The following FSHR variants were observed in gnomAD, a reference collection of about 807,000 sequenced individuals.
FSHR encodes follicle-stimulating hormone receptor.
FSHR carries 46 observed loss-of-function variants against 52.1 expected under a neutral mutation model. The observed-to-expected ratio is 0.88, with a 90% CI of 0.70 to 1.13. FSHR has a LOEUF of 1.13. Ranked by LOEUF, FSHR falls within the 50% of genes most tolerant of loss-of-function variation. The pLI is 0.00. For synonymous variants in FSHR, 399 were observed against 309.6 expected, an observed-to-expected ratio of 1.29 and a Z score of -3.03; for missense variants, 964 against 834.6, an observed-to-expected ratio of 1.16 and a Z score of -1.91.
intron 6 of FSHR, among the ~76,000 whole-genome samples, chr2:48,986,027 T>C (rs550206885): frequency 6.6e-6 from 1 of 152,292 alleles, no homozygotes; most frequent in African/African-American, 2.4e-5. Flanking sequence ...GTACACGTTT[T>C]TTACATTAGG....
chr2:49,119,812 G>A (rs1207899539), intron 1 of FSHR, among the ~76,000 whole-genome samples: 1 of 152,318 alleles, frequency 6.6e-6, no homozygotes, highest in Non-Finnish European at 1.5e-5. Flanking sequence ...AGAGCTGTGT[G>A]AGCCAGCATG....
chr2:49,013,171 C>T (rs759199452), intron 4 of FSHR, among the ~76,000 whole-genome samples: 3 of 150,594 alleles, frequency 2.0e-5, no homozygotes, highest in Non-Finnish European at 4.4e-5. Flanking sequence ...TATTTGAGGA[C>T]ACAGGGAGAA....
intron 1 of FSHR, among the ~76,000 whole-genome samples, chr2:49,126,260 C>T (rs944331505): frequency 5.9e-5 from 9 of 151,638 alleles, no homozygotes; most frequent in African/African-American, 1.9e-4. Flanking sequence ...CTTTGTGCTT[C>T]CTTATCCCAT....
chr2:49,131,304 C>T (rs928925123), intron 1 of FSHR, among the ~76,000 whole-genome samples: 5 of 152,168 alleles, frequency 3.3e-5, no homozygotes, highest in East Asian at 1.9e-4. Flanking sequence ...CTAATTGGAG[C>T]CTATTTGCTT....
chr2:49,130,861 C>G (rs1336659901), intron 1 of FSHR, among the ~76,000 whole-genome samples: 1 of 152,118 alleles, frequency 6.6e-6, no homozygotes, highest in Admixed American at 6.6e-5. Context: ...AGACAAGCTA[C>G]TCAACTTAGG....
At chr2:49,039,075 T>C (rs1479056954) in intron 2 of FSHR, among the ~76,000 whole-genome samples, 1 of 152,182 alleles carries the variant, frequency 6.6e-6, no homozygotes, top group African/African-American at 2.4e-5. Flanking sequence ...TAACTAAATC[T>C]AAAGTACAGT....
chr2:49,140,009 TGG>T (rs1382929576), intron 1 of FSHR, among the ~76,000 whole-genome samples: 1 of 152,128 alleles, frequency 6.6e-6, no homozygotes, highest in Non-Finnish European at 1.5e-5. Context: ...AGGATATATC[TGG>T]GGGCAACTGA....
rs1483420305 is a variant in FSHR, at chr2:49,097,612, A to C, written c.153-29322T>G. 2.0e-5 allele frequency among the ~76,000 whole-genome samples: 3 copies of C among 152,158 alleles called. No homozygotes were observed. The East Asian group carries it at 5.8e-4, about 29-fold the overall frequency. ...TGTGCATTGCCTGAATGAAGAACCAACTTGGAAAATGTATCTCTGAGCAAG... is the reference window on the plus strand; with the variant it reads ...TGTGCATTGCCTGAATGAAGAACCACCTTGGAAAATGTATCTCTGAGCAAG... On this transcript the variant is annotated intron_variant, in intron 1 of 9. Transcript: ENST00000406846.
rs755386201 is a variant in FSHR at position 48,990,552 on chromosome 2, A to G, written c.446+14T>C. ...TGAGTAAAGAGTTGGTAGTCACTCA[A>G]GGAAAAAACTTACAGTAAAACTTTT... On this transcript the variant is annotated intron_variant, in intron 5 of 9. Transcript: ENST00000406846. 1.3e-6 allele frequency: 2 copies of G among 1,568,188 alleles called. No individual in the cohort carries two copies. The highest frequency in any genetic ancestry group is 2.2e-5 in the South Asian group (2 of 90,156).
intron 2 of FSHR, among the ~76,000 whole-genome samples, chr2:49,021,535 A>T (rs1010296201): frequency 1.5e-4 from 23 of 149,078 alleles, no homozygotes; most frequent in Non-Finnish European, 3.5e-4. Context: ...GATCAAGAGA[A>T]AGGCCTGGAG....
chr2:48,983,923 C>T (rs1675371997), intron 6 of FSHR, among the ~76,000 whole-genome samples: 2 of 152,082 alleles, frequency 1.3e-5, no homozygotes, highest in Non-Finnish European at 2.9e-5. Context: ...CCAAGGACAC[C>T]TTGGGCTACA....
At chr2:49,033,689 C>T (rs1668181983) in intron 2 of FSHR, among the ~76,000 whole-genome samples, 1 of 152,004 alleles carries the variant, frequency 6.6e-6, no homozygotes, top group South Asian at 2.1e-4. Context: ...TGAGAGCCCT[C>T]CTCCCCCCTG....
intron 2 of FSHR, among the ~76,000 whole-genome samples, chr2:49,056,566 T>G (rs946278833): frequency 6.6e-5 from 10 of 151,070 alleles, no homozygotes; most frequent in African/African-American, 2.0e-4. Flanking sequence ...ACATTAGTAG[T>G]TGGAGACTTC....
chr2:49,052,702 C>G (rs1027744812), intron 2 of FSHR, among the ~76,000 whole-genome samples: 1 of 152,140 alleles, frequency 6.6e-6, no homozygotes, highest in African/African-American at 2.4e-5. Flanking sequence ...CACCAGGAGC[C>G]AGTAGAATCA....
chr2:49,010,869 G>A lies in FSHR; in HGVS notation c.374+6620C>T, dbSNP rs978095028. ...AGTTTGTATTTCTGTGGGATCGGTG[G>A]TGATATCCCCTTTATCATTTTTTAT... On this transcript the variant is annotated intron_variant, in intron 4 of 9. Transcript: ENST00000406846. Among the ~76,000 whole-genome samples the A allele has an allele frequency of 3.3e-5, 5 of 152,192 alleles. No homozygotes were observed. The South Asian group carries it at 6.2e-4, about 19-fold the overall frequency.
chr2:49,076,233 AT>A (rs1669945256), intron 1 of FSHR, among the ~76,000 whole-genome samples: 1 of 152,126 alleles, frequency 6.6e-6, no homozygotes, highest in African/African-American at 2.4e-5. Flanking sequence ...GACTGGGCAA[AT>A]TACAAAAGAA....
At chr2:49,015,315 A>G (rs1454188306) in intron 4 of FSHR, among the ~76,000 whole-genome samples, 1 of 152,234 alleles carries the variant, frequency 6.6e-6, no homozygotes, top group African/African-American at 2.4e-5. Flanking sequence ...TGTAGGTAAA[A>G]GCTGAAGGTC....
intron 1 of FSHR, among the ~76,000 whole-genome samples, chr2:49,084,869 A>G (rs1394145900): frequency 1.3e-5 from 2 of 152,066 alleles, no homozygotes; most frequent in African/African-American, 4.8e-5. Flanking sequence ...TACCAACCAA[A>G]AAGAGTCCAG....
intron 1 of FSHR, among the ~76,000 whole-genome samples, chr2:49,073,614 T>C (rs1258202346): frequency 5.9e-5 from 9 of 152,046 alleles, no homozygotes; most frequent in Admixed American, 5.2e-4. Flanking sequence ...AAAATGACTA[T>C]ACCACCCAAA....
Sources: allele counts gnomAD v4.1 joint callset (sites outside exome capture counted in the v4.1 genomes callset), GRCh38; gene constraint gnomAD v4.1.1; transcripts MANE v1.5; gene names NCBI Gene and HGNC (gene_info 2026-07-23, HGNC 2026-07-21).